RTL4: variants seen among roughly 807,000 people sequenced by gnomAD.
RTL4 encodes the protein retrotransposon Gag-like protein 4.
In RTL4, 4 loss-of-function variants were observed where a neutral mutation model predicts 5.3. That is an observed-to-expected ratio of 0.75 (90% CI 0.37 to 1.72). RTL4 has a LOEUF of 1.72. RTL4 is among the 40% of genes most tolerant of loss of function. The probability of loss-of-function intolerance (pLI) is 0.04; values close to 1 mark genes in which losing one functional copy is unlikely to be tolerated. For synonymous variants in RTL4, 98 were observed against 87.3 expected (o/e 1.12, Z -0.68); for missense variants, 260 against 227.1 (o/e 1.14, Z -0.93).
chrX:112,169,135 A>C, the RTL4 span, among the ~76,000 whole-genome samples: 1 of 81,008 alleles, frequency 1.2e-5, no homozygotes, highest in African/African-American at 4.8e-5. Context: ...TTTTTTTGAC[A>C]ATGTTTCGCT....
the RTL4 span, among the ~76,000 whole-genome samples, chrX:112,243,103 T>C: frequency 8.9e-6 from 1 of 111,835 alleles, no homozygotes; most frequent in South Asian, 3.8e-4. Context: ...CAGTATTTTA[T>C]CGAGGCTTTT....
chrX:112,246,656 C>T, the RTL4 span, among the ~76,000 whole-genome samples: 1 of 111,671 alleles, frequency 9.0e-6, no homozygotes, highest in Non-Finnish European at 1.9e-5. Context: ...AGGGAAATCC[C>T]CAGACCCCTT....
the RTL4 span, among the ~76,000 whole-genome samples, chrX:112,321,765 C>T: frequency 1.8e-5 from 2 of 111,284 alleles, no homozygotes; most frequent in Non-Finnish European, 3.8e-5. Context: ...AGTCAAACAA[C>T]TACGTAATAG....
At chrX:112,194,832 C>T in the RTL4 span, among the ~76,000 whole-genome samples, 1 of 111,789 alleles carries the variant, frequency 8.9e-6, no homozygotes, top group Non-Finnish European at 1.9e-5. Context: ...AACTCACATG[C>T]CAAACAGAAT....
upstream of RTL4, among the ~76,000 whole-genome samples, chrX:112,452,508 A>T (rs1454665263): frequency 9.1e-6 from 1 of 110,088 alleles, no homozygotes; most frequent in Non-Finnish European, 1.9e-5. Context: ...GAAGTGGTAG[A>T]TGTCTGGAAG....
the RTL4 span, among the ~76,000 whole-genome samples, chrX:112,218,277 A>G: frequency 9.0e-6 from 1 of 111,614 alleles, no homozygotes; most frequent in Non-Finnish European, 1.9e-5. Context: ...GAAGTGAACT[A>G]AACTCTAATT....
the RTL4 span, among the ~76,000 whole-genome samples, chrX:112,311,796 C>T: frequency 9.0e-6 from 1 of 111,172 alleles, no homozygotes; most frequent in South Asian, 3.8e-4. Context: ...ACATTCACTT[C>T]CTTTTAATCC....
At chrX:112,264,985 G>C in the RTL4 span, among the ~76,000 whole-genome samples, 2 of 112,341 alleles carry the variant, frequency 1.8e-5, no homozygotes, top group African/African-American at 6.5e-5. Flanking sequence ...GCCAGTCTCG[G>C]CTTGGGGGTC....
At chrX:112,331,385 C>G in the RTL4 span, among the ~76,000 whole-genome samples, 1 of 106,442 alleles carries the variant, frequency 9.4e-6, no homozygotes, top group African/African-American at 3.4e-5. Context: ...GACATTTATG[C>G]AGCCAAAAAA....
At chrX:112,349,615 C>G in the RTL4 span, among the ~76,000 whole-genome samples, 2 of 99,742 alleles carry the variant, frequency 2.0e-5, no homozygotes, top group Non-Finnish European at 4.1e-5. Flanking sequence ...ATTTTATTCT[C>G]TTTGAAGCAA....
At chrX:112,247,364 C>T in the RTL4 span, among the ~76,000 whole-genome samples, 2 of 111,765 alleles carry the variant, frequency 1.8e-5, no homozygotes, top group East Asian at 5.6e-4. Context: ...ATGGGTTTGC[C>T]TATTTTAGAC....
chrX:112,232,867 A>G, the RTL4 span, among the ~76,000 whole-genome samples: 1 of 110,479 alleles, frequency 9.1e-6, no homozygotes, highest in African/African-American at 3.3e-5. Context: ...CAGCTTCCCC[A>G]CTTCTTGAGG....
At chrX:112,231,716 T>A in the RTL4 span, among the ~76,000 whole-genome samples, 2 of 110,586 alleles carry the variant, frequency 1.8e-5, no homozygotes, top group Admixed American at 9.6e-5. Flanking sequence ...AAACTTAAAG[T>A]ATAATAATAA....
At chrX:112,223,007 C>T in the RTL4 span, among the ~76,000 whole-genome samples, 1 of 112,436 alleles carries the variant, frequency 8.9e-6, no homozygotes, top group African/African-American at 3.2e-5. Flanking sequence ...GTGGCTGAAG[C>T]GTGCACAGGA....
chrX:112,261,049 A>T, the RTL4 span, among the ~76,000 whole-genome samples: 35 of 111,788 alleles, frequency 3.1e-4, no homozygotes, highest in African/African-American at 1.1e-3. Context: ...TAATTCATGA[A>T]ACAAACATTG....
At chrX:112,187,414 C>T in the RTL4 span, among the ~76,000 whole-genome samples, 1 of 111,412 alleles carries the variant, frequency 9.0e-6, no homozygotes, top group African/African-American at 3.3e-5. Context: ...TATCCTGGTT[C>T]TCAATCATCA....
chrX:112,161,874 C>CTTTCCTTCTTTCT, the RTL4 span, among the ~76,000 whole-genome samples: 1 of 36,020 alleles, frequency 2.8e-5, no homozygotes, highest in African/African-American at 1.0e-4. Flanking sequence ...TCTTTCTTTC[C>CTTTCCTTCTTTCT]TTCTTTCTTC....
chrX:112,242,177 G>A, the RTL4 span, among the ~76,000 whole-genome samples: 2 of 111,649 alleles, frequency 1.8e-5, no homozygotes, highest in South Asian at 3.8e-4. Context: ...TTGGCAATGC[G>A]GGCTCTTTTT....
chrX:112,413,642 A>G, the RTL4 span, among the ~76,000 whole-genome samples: 1 of 111,231 alleles, frequency 9.0e-6, no homozygotes, highest in Non-Finnish European at 1.9e-5. Context: ...GGGGAGCTAA[A>G]AATTAAAACA....
Sources: allele counts gnomAD v4.1 joint callset (sites outside exome capture counted in the v4.1 genomes callset), GRCh38; gene constraint gnomAD v4.1.1; transcripts MANE v1.5; gene names NCBI Gene and HGNC (gene_info 2026-07-23, HGNC 2026-07-21).